The following NXPH1 variants were observed in gnomAD, a reference collection of about 807,000 sequenced individuals.
NXPH1 encodes neurexophilin-1.
NXPH1 carries 5 observed loss-of-function variants against 23.7 expected under a neutral mutation model. The ratio of observed to expected loss-of-function variants is 0.21; its 90% CI spans 0.11 to 0.44. NXPH1 has a LOEUF of 0.44. Among genes scored for constraint, NXPH1 ranks in the 20% least tolerant of loss-of-function variants. The probability of loss-of-function intolerance (pLI) is 0.99; values close to 1 mark genes in which losing one functional copy is unlikely to be tolerated. For synonymous variants in NXPH1, 144 were observed against 122.2 expected (o/e 1.18, Z -1.18); for missense variants, 324 against 321.6 (o/e 1.01, Z -0.06).
intron 2 of NXPH1, among the ~76,000 whole-genome samples, chr7:8,634,898 C>G (rs1010989992): frequency 5.9e-5 from 9 of 152,136 alleles, no homozygotes; most frequent in African/African-American, 1.9e-4. Flanking sequence ...CTTCACAAGA[C>G]ACTTTTAAAG....
intron 2 of NXPH1, among the ~76,000 whole-genome samples, chr7:8,495,737 C>T (rs1817322574): frequency 6.6e-6 from 1 of 152,086 alleles, no homozygotes; most frequent in South Asian, 2.1e-4. Context: ...TTCTATAGGA[C>T]CACTCAGAGA....
chr7:8,518,075 T>A (rs1817716469), intron 2 of NXPH1, among the ~76,000 whole-genome samples: 1 of 152,188 alleles, frequency 6.6e-6, no homozygotes, highest in African/African-American at 2.4e-5. Flanking sequence ...GCCTGAGGTA[T>A]GCCTTCATCT....
chr7:8,546,030 CTT>C (rs1818192591), intron 2 of NXPH1, among the ~76,000 whole-genome samples: 1 of 151,490 alleles, frequency 6.6e-6, no homozygotes, highest in Non-Finnish European at 1.5e-5. Context: ...GGTCAGAACT[CTT>C]TTGATGCCAG....
chr7:8,454,684 G>T (rs1032906895), intron 2 of NXPH1, among the ~76,000 whole-genome samples: 1 of 152,116 alleles, frequency 6.6e-6, no homozygotes, highest in Non-Finnish European at 1.5e-5. Flanking sequence ...AAAGAGAAAC[G>T]TGGCTCTAGA....
intron 2 of NXPH1, among the ~76,000 whole-genome samples, chr7:8,657,708 C>A (rs1269088970): frequency 6.6e-6 from 1 of 152,176 alleles, no homozygotes; most frequent in Non-Finnish European, 1.5e-5. Flanking sequence ...TTTCTTGGCA[C>A]CAACAAAATC....
At chr7:8,661,093 A>T (rs546901843) in intron 2 of NXPH1, among the ~76,000 whole-genome samples, 2 of 152,286 alleles carry the variant, frequency 1.3e-5, no homozygotes, top group South Asian at 2.1e-4. Context: ...TCTACAAATC[A>T]TATCTGAATA....
At chr7:8,486,259 A>G (rs1185024089) in intron 2 of NXPH1, among the ~76,000 whole-genome samples, 1 of 152,182 alleles carries the variant, frequency 6.6e-6, no homozygotes, top group Non-Finnish European at 1.5e-5. Flanking sequence ...TGATGTAGGA[A>G]GACCTAGAGG....
chr7:8,567,081 G>A (rs907492418), intron 2 of NXPH1, among the ~76,000 whole-genome samples: 1 of 151,698 alleles, frequency 6.6e-6, no homozygotes, highest in African/African-American at 2.4e-5. Flanking sequence ...GCTTTTCTAC[G>A]AATCTTCATT....
chr7:8,644,927 A>G (rs1820371800), intron 2 of NXPH1, among the ~76,000 whole-genome samples: 1 of 152,166 alleles, frequency 6.6e-6, no homozygotes, highest in Admixed American at 6.6e-5. Flanking sequence ...TGTACTTTAT[A>G]TAAACAGAAT....
intron 2 of NXPH1, among the ~76,000 whole-genome samples, chr7:8,700,950 T>C (rs566678671): frequency 1.3e-5 from 2 of 152,146 alleles, no homozygotes; most frequent in East Asian, 1.9e-4. Context: ...TTTCATGATA[T>C]GTGAAATTTA....
intron 2 of NXPH1, among the ~76,000 whole-genome samples, chr7:8,486,572 A>G (rs1263269507): frequency 1.3e-5 from 2 of 152,162 alleles, no homozygotes; most frequent in Admixed American, 1.3e-4. Context: ...TTGTTTCCTC[A>G]TCTGTAAGAC....
chr7:8,469,183 A>G lies in NXPH1; in HGVS notation c.54+33416A>G, dbSNP rs535892110. On this transcript the variant is annotated intron_variant, in intron 2 of 2. Transcript: ENST00000405863. The stretch of plus-strand genomic sequence containing the variant: ...GGGGTGAATGTTATTTTTTTAAAAA[A>G]GTACCATTATAGTGATTTTTTTGGG... Among the ~76,000 whole-genome samples the G allele has an allele frequency of 2.0e-5, 3 of 152,160 alleles. No individual in the cohort carries two copies. In the South Asian group the frequency reaches 6.2e-4, roughly 32 times the overall value.
rs1418364674 is a variant in NXPH1, at chr7:8,580,876, T to C, written c.54+145109T>C. ...GTGAAATATTTTAACATCTGGAACT[T>C]GGCAGATGGAATTGTTCTTATATTC... On this transcript the variant is annotated intron_variant, in intron 2 of 2. Coordinates refer to ENST00000405863, the MANE Select transcript of NXPH1 (RefSeq NM_152745.3). Among the ~76,000 whole-genome samples the C allele has an allele frequency of 2.6e-5, 4 of 152,214 alleles. No homozygotes were observed. In the East Asian group the frequency reaches 5.8e-4, roughly 22 times the overall value.
intron 2 of NXPH1, among the ~76,000 whole-genome samples, chr7:8,692,297 T>C (rs983200475): frequency 6.6e-6 from 1 of 152,188 alleles, no homozygotes; most frequent in Non-Finnish European, 1.5e-5. Context: ...ACCACACACG[T>C]AAGCCAGAAA....
intron 2 of NXPH1, among the ~76,000 whole-genome samples, chr7:8,583,702 G>A (rs1311294353): frequency 6.6e-6 from 1 of 152,158 alleles, no homozygotes; most frequent in Non-Finnish European, 1.5e-5. Context: ...AGAGCAACAA[G>A]TGCAGCAACA....
At chr7:8,629,304 T>C (rs1820071064) in intron 2 of NXPH1, among the ~76,000 whole-genome samples, 1 of 152,162 alleles carries the variant, frequency 6.6e-6, no homozygotes, top group African/African-American at 2.4e-5. Flanking sequence ...TTGAAAATTA[T>C]GGTGGATGGA....
chr7:8,584,855 A>C lies in NXPH1; in HGVS notation c.54+149088A>C, dbSNP rs1302460845. 3.9e-5 allele frequency among the ~76,000 whole-genome samples: 6 copies of C among 152,204 alleles called. No individual in the cohort carries two copies. The South Asian group carries it at 8.3e-4, about 21-fold the overall frequency. ...GCCTTTTCACATTATTCACAATCTT[A>C]CATTACTTTGTACTATGTATCTTAA... is the stretch of plus-strand genomic sequence containing the variant. On this transcript the variant is annotated intron_variant, in intron 2 of 2. Coordinates refer to ENST00000405863, the MANE Select transcript of NXPH1 (RefSeq NM_152745.3).
At chr7:8,483,471 G>C (rs182286684) in intron 2 of NXPH1, among the ~76,000 whole-genome samples, 1 of 151,890 alleles carries the variant, frequency 6.6e-6, no homozygotes, top group African/African-American at 2.4e-5. Flanking sequence ...GCTGGGCATG[G>C]CTAAATTTTG....
At chr7:8,742,236 T>C (rs1459876232) in intron 2 of NXPH1, among the ~76,000 whole-genome samples, 3 of 152,122 alleles carry the variant, frequency 2.0e-5, no homozygotes, top group Non-Finnish European at 4.4e-5. Context: ...ATGAACTTCT[T>C]TTAAAGTAAT....
Sources: gnomAD v4.1 joint callset for allele counts (sites outside exome capture counted in the v4.1 genomes callset) on GRCh38, gnomAD v4.1.1 for gene constraint, MANE v1.5 for transcripts, NCBI Gene and HGNC (gene_info 2026-07-23, HGNC 2026-07-21) for gene names.